PIAS1: variants seen among roughly 807,000 people sequenced by gnomAD.
PIAS1 encodes protein inhibitor of activated STAT 1.
In PIAS1, 6 loss-of-function variants were observed where a neutral mutation model predicts 71.3. That is an observed-to-expected ratio of 0.08 (90% confidence interval 0.05 to 0.17). PIAS1 has a LOEUF of 0.17. Ranked by LOEUF, PIAS1 falls within the 10% of genes least tolerant of loss-of-function variation. The probability of loss-of-function intolerance (pLI) is 1.00; values close to 1 mark genes in which losing one functional copy is unlikely to be tolerated. For missense variants in PIAS1, 555 were observed against 793.6 expected, an observed-to-expected ratio of 0.70 and a Z score of 3.61; for synonymous variants, 303 against 292.9, an observed-to-expected ratio of 1.03 and a Z score of -0.35.
At position 68,054,326 on chromosome 15, in the gene PIAS1, G is replaced by C. The variant is rs763228251; in HGVS notation, c.-1G>C. 7 of 1,573,750 alleles carry C rather than the reference G, an allele frequency of 4.4e-6. No homozygotes were observed. In the Middle Eastern group the frequency reaches 5.0e-4, roughly 112 times the overall value. Reference sequence around the variant, plus strand: ...ACTGCGCTTGCGCTGACAGACGCAAGATGGCGGACAGTGCGGAACTAAAGG... The same window carrying C: ...ACTGCGCTTGCGCTGACAGACGCAACATGGCGGACAGTGCGGAACTAAAGG... On this transcript the variant is annotated 5_prime_UTR_variant, in exon 1 of 14. Transcript: ENST00000249636. This position sits in a 1 kb window ranked among gnomAD's most constrained non-coding sequence, Gnocchi z 4.6.
intron 2 of PIAS1, among the ~76,000 whole-genome samples, chr15:68,112,268 A>G (rs574794414): frequency 3.3e-5 from 5 of 152,244 alleles, no homozygotes; most frequent in African/African-American, 9.6e-5. Flanking sequence ...CTGCTACATT[A>G]TCAATTTTTT....
intron 2 of PIAS1, among the ~76,000 whole-genome samples, chr15:68,127,822 G>A (rs2092661607): frequency 6.6e-6 from 1 of 152,066 alleles, no homozygotes; most frequent in African/African-American, 2.4e-5. Context: ...GAGTACAGTA[G>A]TGTGACCTCA....
chr15:68,072,091 A>T (rs2092103449), intron 1 of PIAS1, among the ~76,000 whole-genome samples: 1 of 150,370 alleles, frequency 6.7e-6, no homozygotes. Flanking sequence ...TCTGTGTAAG[A>T]GAGTAATAAG....
rs975222087 is a variant in PIAS1, at chr15:68,174,584, G to A, written c.1169+692G>A. Among the ~76,000 whole-genome samples the A allele has an allele frequency of 1.3e-5, 2 of 152,082 alleles. No individual in the cohort carries two copies. Among genetic ancestry groups the A allele is most frequent in the African/African-American group, 4.8e-5 (2 of 41,422 alleles). On this transcript the variant is annotated intron_variant, in intron 9 of 13. Transcript: ENST00000249636. The surrounding 1 kb of genome is among the most constrained non-coding windows in gnomAD (Gnocchi z 4.0). The stretch of plus-strand genomic sequence containing the variant: ...AGAGTCTTGCCATTTTGCCCAGGCT[G>A]CTCTCGAATTCCTGGGCTCAAGTGA...
intron 11 of PIAS1, among the ~76,000 whole-genome samples, chr15:68,176,991 C>T (rs2093023826): frequency 6.6e-6 from 1 of 152,032 alleles, no homozygotes; most frequent in Non-Finnish European, 1.5e-5. Context: ...GAAAATTTGT[C>T]TTTCTAGGCC....
chr15:68,152,957 C>T, intron 6 of PIAS1, among the ~76,000 whole-genome samples: 1 of 140,180 alleles, frequency 7.1e-6, no homozygotes, highest in Non-Finnish European at 1.5e-5. Flanking sequence ...AGTCTGTCTG[C>T]TGGTAATGGA....
chr15:68,055,258 C>T (rs2091883163), intron 1 of PIAS1: 1 of 970,458 alleles, frequency 1.0e-6, no homozygotes, highest in Non-Finnish European at 1.2e-6. Flanking sequence ...TATATCCCCC[C>T]ATTGCCTTTT....
At chr15:68,148,672 C>T (rs2092825127) in intron 6 of PIAS1, among the ~76,000 whole-genome samples, 2 of 152,184 alleles carry the variant, frequency 1.3e-5, no homozygotes, top group South Asian at 4.1e-4. Flanking sequence ...TGTGATCCAC[C>T]TGCCGTGGCC....
intron 7 of PIAS1, among the ~76,000 whole-genome samples, chr15:68,156,873 A>C (rs974022328): frequency 6.6e-6 from 1 of 152,350 alleles, no homozygotes; most frequent in Admixed American, 6.5e-5. Flanking sequence ...ACATTTAGAC[A>C]ATCTGATTCT....
chr15:68,124,992 ATC>A (rs1486054965), intron 2 of PIAS1, among the ~76,000 whole-genome samples: 1 of 152,172 alleles, frequency 6.6e-6, no homozygotes, highest in East Asian at 1.9e-4. Flanking sequence ...CTACCGTATA[ATC>A]TGTTTGTCGC....
chr15:68,057,508 C>T (rs2091909702), intron 1 of PIAS1: 2 of 443,418 alleles, frequency 4.5e-6, no homozygotes, highest in Non-Finnish European at 9.0e-6. Context: ...AGAAGTCCAT[C>T]AGCATTTTAG....
chr15:68,173,010 A>G lies in PIAS1; in HGVS notation c.1009-722A>G, dbSNP rs139097706. Among the ~76,000 whole-genome samples the G allele has an allele frequency of 4.6e-5, 7 of 152,382 alleles. No individual in the cohort carries two copies. Among genetic ancestry groups the G allele is most frequent in the African/African-American group, 1.7e-4 (7 of 41,594 alleles). ...GAGCTGCCACTTGGCAATTATGCCA[A>G]ACATCATGGGGAATGATCACTATTG... On this transcript the variant is annotated intron_variant, in intron 8 of 13. Coordinates refer to ENST00000249636, the MANE Select transcript of PIAS1 (RefSeq NM_016166.3). This position sits in a 1 kb window ranked among gnomAD's most constrained non-coding sequence, Gnocchi z 4.3.
At chr15:68,164,279 A>C (rs2092942823) in intron 7 of PIAS1, among the ~76,000 whole-genome samples, 1 of 152,136 alleles carries the variant, frequency 6.6e-6, no homozygotes, top group Non-Finnish European at 1.5e-5. Flanking sequence ...TACAGTAAAT[A>C]TTTTTATTTT....
chr15:68,103,880 T>G (rs1461164806), intron 2 of PIAS1, among the ~76,000 whole-genome samples: 1 of 152,252 alleles, frequency 6.6e-6, no homozygotes, highest in East Asian at 1.9e-4. Context: ...TTGTTTCCAC[T>G]TTTTGGCTAA....
chr15:68,054,459 C>A lies in PIAS1; in HGVS notation c.24+109C>A. On this transcript the variant is annotated intron_variant, in intron 1 of 13. Coordinates refer to ENST00000249636, the MANE Select transcript of PIAS1 (RefSeq NM_016166.3). This position sits in a 1 kb window ranked among gnomAD's most constrained non-coding sequence, Gnocchi z 4.6. ...GGGGCCTCTCGGGCCTGACTCCACC[C>A]GGGCCTGGAGTTGTAGGGAGAGAGG... is the stretch of plus-strand genomic sequence containing the variant. 1.6e-6 allele frequency: 2 copies of A among 1,232,724 alleles called. No individual in the cohort carries two copies. Among genetic ancestry groups the A allele is most frequent in the Admixed American group, 2.0e-5 (1 of 48,824 alleles). 76.4% of individuals were successfully genotyped at this position (1,232,724 alleles called of 1,614,324 possible). A position where few individuals can be genotyped will look rare whatever the true frequency, so the allele number is the denominator to read the frequency against.
At chr15:68,056,764 T>TA (rs147315446) in intron 1 of PIAS1, among the ~76,000 whole-genome samples, 251 of 151,860 alleles carry the variant, frequency 1.7e-3, no homozygotes, top group Middle Eastern at 6.8e-3. Flanking sequence ...GAGAATGTGT[T>TA]AAAAAAAAGA....
rs1303875259 is a variant in PIAS1 at position 68,190,501 on chromosome 15, C to G, written c.*2666C>G. The stretch of plus-strand genomic sequence containing the variant: ...ATCTCTTTTTTTCTTAGCCTACGCT[C>G]ACTCCCCAACCCATCCCAACATTGA... On this transcript the variant is annotated 3_prime_UTR_variant, in exon 14 of 14. Coordinates refer to ENST00000249636, the MANE Select transcript of PIAS1 (RefSeq NM_016166.3). This position sits in a 1 kb window ranked among gnomAD's most constrained non-coding sequence, Gnocchi z 4.7. 2 of 152,156 alleles carry G rather than the reference C, an allele frequency of 1.3e-5. No homozygotes were observed. The highest frequency in any genetic ancestry group is 4.8e-5 in the African/African-American group (2 of 41,428). 9.4% of individuals were successfully genotyped at this position (152,156 alleles called of 1,614,324 possible).
intron 2 of PIAS1, among the ~76,000 whole-genome samples, chr15:68,105,450 T>C (rs1205293517): frequency 1.3e-5 from 2 of 152,148 alleles, no homozygotes; most frequent in Admixed American, 1.3e-4. Flanking sequence ...TTTCTCACTT[T>C]CCCACCATAT....
intron 8 of PIAS1, among the ~76,000 whole-genome samples, chr15:68,172,008 C>T (rs2092994385): frequency 6.6e-6 from 1 of 152,004 alleles, no homozygotes; most frequent in African/African-American, 2.4e-5. Context: ...TGGTTTGCTG[C>T]ACCCGTTAAC....
Sources: gnomAD v4.1 joint callset for allele counts (sites outside exome capture counted in the v4.1 genomes callset) on GRCh38, gnomAD v4.1.1 for gene constraint, Gnocchi (gnomAD v3.1) non-coding constraint, MANE v1.5 for transcripts, NCBI Gene and HGNC (gene_info 2026-07-23, HGNC 2026-07-21) for gene names.